Variants in SOCS4 observed in about 807,000 individuals in gnomAD.
SOCS4 encodes SH2 domain containing SOCS box protein.
In SOCS4, 20 loss-of-function variants were observed where a neutral mutation model predicts 34.1. That is an observed-to-expected ratio of 0.59 (90% confidence interval 0.41 to 0.85). SOCS4 has a LOEUF of 0.85. Ranked by LOEUF, SOCS4 falls within the 40% of genes least tolerant of loss-of-function variation. The pLI is 0.00. For missense variants in SOCS4, 479 were observed against 532.4 expected (o/e 0.90, Z 0.99); for synonymous variants, 180 against 186.4 (o/e 0.97, Z 0.28).
intron 1 of SOCS4, among the ~76,000 whole-genome samples, chr14:55,030,427 A>G (rs568158937): frequency 1.3e-5 from 2 of 152,262 alleles, no homozygotes; most frequent in East Asian, 3.9e-4. Context: ...TATTTCAGAA[A>G]TGGAAGAGCC....
chr14:55,037,638 C>T lies in SOCS4; in HGVS notation c.-90-5314C>T, dbSNP rs541039009. On this transcript the variant is annotated intron_variant, in intron 2 of 2. Transcript: ENST00000555846. ...CCGCCCAAGTAGCTGGGATTACAGGCGCCTGCCACCACACCCAGCTAATTT... is the reference window on the plus strand; with the variant it reads ...CCGCCCAAGTAGCTGGGATTACAGGTGCCTGCCACCACACCCAGCTAATTT... 7.2e-4 allele frequency among the ~76,000 whole-genome samples: 110 copies of T among 151,902 alleles called. 1 individual carries two copies. The highest frequency in any genetic ancestry group is 2.2e-3 in the African/African-American group (90 of 41,422).
At chr14:55,033,169 T>A (rs1000300283) in intron 2 of SOCS4, among the ~76,000 whole-genome samples, 5 of 152,212 alleles carry the variant, frequency 3.3e-5, no homozygotes, top group Non-Finnish European at 7.3e-5. Flanking sequence ...ACTTTTTTTT[T>A]ACATTCAGAT....
intron 2 of SOCS4, among the ~76,000 whole-genome samples, chr14:55,032,926 G>A (rs545398697): frequency 1.3e-5 from 2 of 152,204 alleles, no homozygotes; most frequent in Admixed American, 6.5e-5. Context: ...GGGACTAGAG[G>A]CGCCTGCCAC....
chr14:55,040,434 A>T (rs1032000177), intron 2 of SOCS4, among the ~76,000 whole-genome samples: 1 of 152,174 alleles, frequency 6.6e-6, no homozygotes, highest in African/African-American at 2.4e-5. Context: ...TAATACTACA[A>T]TGTAAATGCT....
intron 2 of SOCS4, among the ~76,000 whole-genome samples, chr14:55,035,578 A>G (rs554759340): frequency 2.6e-5 from 4 of 152,352 alleles, no homozygotes; most frequent in East Asian, 1.9e-4. Flanking sequence ...TGTAAAGCCA[A>G]TAAGACTGGC....
At position 55,043,871 on chromosome 14, in the gene SOCS4, ACCT is replaced by A; in HGVS notation, c.834_836del (p.Leu279del). 6.2e-7 allele frequency: 1 copy of A among 1,614,142 alleles called. No homozygotes were observed. Among genetic ancestry groups the A allele is most frequent in the Non-Finnish European group, 8.5e-7 (1 of 1,180,016 alleles). ...GATTATGTCCACTGTCTTGTACCAG[ACCT>A]CCTTCAGATCAATAACAACCCATGT... On this transcript the variant is annotated inframe_deletion, in exon 3 of 3. Coordinates refer to ENST00000555846, the MANE Select transcript of SOCS4 (RefSeq NM_199421.2).
intron 1 of SOCS4, among the ~76,000 whole-genome samples, chr14:55,031,257 T>G (rs2042526213): frequency 6.6e-6 from 1 of 152,176 alleles, no homozygotes; most frequent in African/African-American, 2.4e-5. Context: ...CACTCTAGAT[T>G]AGCCCCTTCA....
At chr14:55,032,182 A>G (rs2042534472) in intron 2 of SOCS4, among the ~76,000 whole-genome samples, 191 bp downstream of exon 2, 1 of 152,210 alleles carries the variant, frequency 6.6e-6, no homozygotes, top group Admixed American at 6.5e-5. Flanking sequence ...AAGTAGTTCA[A>G]TGAATAATTA....
rs2140252946 is a variant in SOCS4, at chr14:55,048,108, A to G, written c.*3744A>G. ...GCTAATTTTTGTATTTTTAGTAGCG[A>G]TGGTGTTTCACTACATTGGCCAGGC... On this transcript the variant is annotated 3_prime_UTR_variant, in exon 3 of 3. Transcript: ENST00000555846. 1 of 164,860 alleles carries G rather than the reference A, an allele frequency of 6.1e-6. No homozygotes were observed. Among genetic ancestry groups the G allele is most frequent in the African/African-American group, 2.4e-5 (1 of 41,584 alleles). The allele number at this position is 164,860 out of a possible 1,614,324, so 10.2% of individuals were successfully genotyped here.
intron 2 of SOCS4, among the ~76,000 whole-genome samples, chr14:55,041,471 G>T (rs1046802846): frequency 6.6e-6 from 1 of 151,422 alleles, no homozygotes; most frequent in Non-Finnish European, 1.5e-5. Flanking sequence ...CAAGTTCCTG[G>T]CGTAAATCTT....
chr14:55,028,271 G>T (rs918337041), intron 1 of SOCS4, among the ~76,000 whole-genome samples: 1 of 152,110 alleles, frequency 6.6e-6, no homozygotes, highest in Non-Finnish European at 1.5e-5. Context: ...GCTCCAGATA[G>T]CCTTGCTAGA....
rs1262649795 is a variant in SOCS4 at position 55,045,117 on chromosome 14, C to T, written c.*753C>T. On this transcript the variant is annotated 3_prime_UTR_variant, in exon 3 of 3. Coordinates refer to ENST00000555846, the MANE Select transcript of SOCS4 (RefSeq NM_199421.2). ...CTGAATAGGTCTTTCTCTCAACCTG[C>T]AAGAGCTAAACCATCTTCAAAACAT... The T allele has an allele frequency of 6.0e-6, 1 of 167,014 alleles. No individual in the cohort carries two copies. The highest frequency in any genetic ancestry group is 1.5e-5 in the Non-Finnish European group (1 of 68,080). 10.3% of individuals were successfully genotyped at this position (167,014 alleles called of 1,614,324 possible). A position where few individuals can be genotyped will look rare whatever the true frequency, so the allele number is the denominator to read the frequency against.
intron 1 of SOCS4, among the ~76,000 whole-genome samples, chr14:55,030,464 G>T (rs1183704003): frequency 6.6e-6 from 1 of 152,066 alleles, no homozygotes; most frequent in Non-Finnish European, 1.5e-5. Flanking sequence ...TCTGAGGCAC[G>T]TTTTTGTGCA....
intron 2 of SOCS4, among the ~76,000 whole-genome samples, chr14:55,034,828 A>G (rs1404773823): frequency 6.6e-6 from 1 of 151,730 alleles, no homozygotes; most frequent in Non-Finnish European, 1.5e-5. Context: ...TCAAAAAAAA[A>G]AAAAGTTTTC....
intron 1 of SOCS4, among the ~76,000 whole-genome samples, chr14:55,029,436 C>G (rs1003421279): frequency 6.6e-6 from 1 of 152,082 alleles, no homozygotes; most frequent in Non-Finnish European, 1.5e-5. Flanking sequence ...GGTTAGTTAG[C>G]TTTGCTGTGT....
At position 55,042,989 on chromosome 14, in the gene SOCS4, G is replaced by C. The variant is rs1195554897; in HGVS notation, c.-53G>C. 4.6e-6 allele frequency: 7 copies of C among 1,508,418 alleles called. No homozygotes were observed. Among genetic ancestry groups the C allele is most frequent in the Non-Finnish European group, 3.6e-6 (4 of 1,122,256 alleles). The allele number at this position is 1,508,418 out of a possible 1,614,324, so 93.4% of individuals were successfully genotyped here. On this transcript the variant is annotated 5_prime_UTR_variant, in exon 3 of 3. Transcript: ENST00000555846. The stretch of plus-strand genomic sequence containing the variant: ...AGTGCCCAGAAGAAACTTCCTGCTG[G>C]AAAAAATGAAAAAGCAGTATTTATA...
At chr14:55,029,719 A>G (rs1460862216) in intron 1 of SOCS4, among the ~76,000 whole-genome samples, 3 of 152,188 alleles carry the variant, frequency 2.0e-5, no homozygotes, top group East Asian at 1.9e-4. Flanking sequence ...CAAGGAGACC[A>G]AAGTATTGAA....
intron 2 of SOCS4, among the ~76,000 whole-genome samples, chr14:55,036,818 G>C (rs1451793940): frequency 1.3e-5 from 2 of 151,734 alleles, no homozygotes; most frequent in Non-Finnish European, 2.9e-5. Context: ...CTTTTCTATT[G>C]AATATTTTAT....
At chr14:55,041,789 T>C in intron 2 of SOCS4, among the ~76,000 whole-genome samples, 1 of 94,234 alleles carries the variant, frequency 1.1e-5, no homozygotes, top group Admixed American at 1.1e-4. Flanking sequence ...TAATCTTTTT[T>C]TTTTTTTTTT....
Sources: allele counts gnomAD v4.1 joint callset (sites outside exome capture counted in the v4.1 genomes callset), GRCh38; gene constraint gnomAD v4.1.1; transcripts MANE v1.5; gene names NCBI Gene and HGNC (gene_info 2026-07-23, HGNC 2026-07-21).